PDZRN4: variants seen among roughly 807,000 people sequenced by gnomAD.
PDZRN4 encodes the protein PDZ domain containing ring finger 4.
Under a neutral mutation model 99.0 loss-of-function variants are expected in PDZRN4, and 70 were observed. That is an observed-to-expected ratio of 0.71 (90% confidence interval 0.58 to 0.86). The LOEUF (loss-of-function observed/expected upper bound fraction) is 0.86, where lower values mean the gene tolerates loss of function less well. PDZRN4 is among the 40% of genes least tolerant of loss of function. The pLI is 0.00. For missense variants in PDZRN4, 1,474 were observed against 1,331.2 expected (o/e 1.11, Z -1.67); for synonymous variants, 551 against 501.6 (o/e 1.10, Z -1.32).
intron 3 of PDZRN4, among the ~76,000 whole-genome samples, chr12:41,279,580 T>A (rs1399322031): frequency 6.6e-6 from 1 of 152,208 alleles, no homozygotes; most frequent in Non-Finnish European, 1.5e-5. Flanking sequence ...TTTATTAACC[T>A]AAATAAGTCT....
intron 5 of PDZRN4, among the ~76,000 whole-genome samples, chr12:41,521,055 T>C (rs1473684109): frequency 6.6e-6 from 1 of 152,160 alleles, no homozygotes; most frequent in Admixed American, 6.5e-5. Flanking sequence ...AACCGAAATC[T>C]AATTGTAAGT....
intron 3 of PDZRN4, among the ~76,000 whole-genome samples, chr12:41,302,317 C>G (rs1951541569): frequency 2.0e-5 from 3 of 152,100 alleles, no homozygotes. Context: ...ACAATCACCA[C>G]TTGTTAAAAT....
chr12:41,445,244 T>A (rs1952715177), intron 3 of PDZRN4, among the ~76,000 whole-genome samples: 1 of 152,088 alleles, frequency 6.6e-6, no homozygotes, highest in Admixed American at 6.6e-5. Context: ...CTGAATTTGT[T>A]GGTGAAGTAA....
intron 3 of PDZRN4, among the ~76,000 whole-genome samples, chr12:41,319,085 G>A (rs1400808288): frequency 6.6e-6 from 1 of 152,090 alleles, no homozygotes; most frequent in Non-Finnish European, 1.5e-5. Context: ...CATGCATCTT[G>A]AATGCTTCAG....
At chr12:41,254,425 C>T (rs1157476306) in intron 3 of PDZRN4, among the ~76,000 whole-genome samples, 1 of 152,180 alleles carries the variant, frequency 6.6e-6, no homozygotes, top group Non-Finnish European at 1.5e-5. Context: ...TGACTCAAAA[C>T]TATAATGCTT....
At chr12:41,556,294 A>T (rs1290058042) in intron 7 of PDZRN4, among the ~76,000 whole-genome samples, 1 of 152,212 alleles carries the variant, frequency 6.6e-6, no homozygotes, top group Admixed American at 6.5e-5. Context: ...TACAGTCATG[A>T]GTCACTTAAT....
intron 3 of PDZRN4, among the ~76,000 whole-genome samples, chr12:41,355,681 A>G (rs1208646949): frequency 5.3e-5 from 8 of 152,138 alleles, no homozygotes; most frequent in Non-Finnish European, 1.0e-4. Context: ...TCTTGTAAGC[A>G]GACAGCTGGG....
At chr12:41,429,920 G>T (rs1952571772) in intron 3 of PDZRN4, among the ~76,000 whole-genome samples, 1 of 152,086 alleles carries the variant, frequency 6.6e-6, no homozygotes, top group African/African-American at 2.4e-5. Flanking sequence ...AATAGTGATA[G>T]TAGCATTCAG....
chr12:41,461,237 A>G (rs1952870995), intron 3 of PDZRN4, among the ~76,000 whole-genome samples: 1 of 151,944 alleles, frequency 6.6e-6, no homozygotes, highest in Non-Finnish European at 1.5e-5. Flanking sequence ...TTTAAATTTC[A>G]GATGTACAAG....
At chr12:41,522,384 G>A (rs1279568051) in intron 5 of PDZRN4, among the ~76,000 whole-genome samples, 2 of 152,062 alleles carry the variant, frequency 1.3e-5, no homozygotes, top group Admixed American at 6.6e-5. Context: ...TAACTTGAAG[G>A]TCTAAGTCTC....
intron 3 of PDZRN4, among the ~76,000 whole-genome samples, chr12:41,320,398 G>T (rs548372363): frequency 6.6e-6 from 1 of 152,286 alleles, no homozygotes; most frequent in South Asian, 2.1e-4. Flanking sequence ...TAAATGTTTG[G>T]ATTTCTTGCT....
At chr12:41,483,195 A>G (rs1049849838) in intron 3 of PDZRN4, among the ~76,000 whole-genome samples, 5 of 152,030 alleles carry the variant, frequency 3.3e-5, no homozygotes, top group Admixed American at 6.6e-5. Flanking sequence ...GGTGACCTCC[A>G]CAACCAAAGT....
chr12:41,528,052 T>C (rs1460500577), intron 5 of PDZRN4, among the ~76,000 whole-genome samples: 1 of 152,230 alleles, frequency 6.6e-6, no homozygotes, highest in Non-Finnish European at 1.5e-5. Flanking sequence ...CAATTCTCTG[T>C]AGCCATTTAG....
At chr12:41,321,165 T>C (rs1014416607) in intron 3 of PDZRN4, among the ~76,000 whole-genome samples, 1 of 152,184 alleles carries the variant, frequency 6.6e-6, no homozygotes, top group African/African-American at 2.4e-5. Context: ...AAATAAGGTG[T>C]CTGCTGTTTA....
At chr12:41,381,228 A>C (rs985600767) in intron 3 of PDZRN4, among the ~76,000 whole-genome samples, 1 of 152,148 alleles carries the variant, frequency 6.6e-6, no homozygotes. Context: ...ATTTAGGACT[A>C]TTTGGGTCTC....
chr12:41,532,911 T>A (rs1353824171), intron 5 of PDZRN4, among the ~76,000 whole-genome samples: 1 of 152,154 alleles, frequency 6.6e-6, no homozygotes, highest in Non-Finnish European at 1.5e-5. Flanking sequence ...GATTAATTCA[T>A]GCTTGAAAAA....
chr12:41,395,451 G>A (rs1374796726), intron 3 of PDZRN4, among the ~76,000 whole-genome samples: 2 of 152,142 alleles, frequency 1.3e-5, no homozygotes, highest in Non-Finnish European at 2.9e-5. Flanking sequence ...TTCTGGGCTT[G>A]AAATCAACCT....
At chr12:41,444,254 A>G (rs1952704673) in intron 3 of PDZRN4, among the ~76,000 whole-genome samples, 1 of 152,114 alleles carries the variant, frequency 6.6e-6, no homozygotes, top group Non-Finnish European at 1.5e-5. Flanking sequence ...TAACGGTCTT[A>G]GCTGCAGAAA....
At chr12:41,537,153 A>ACTTGAGCTTCC (rs1938762614) in intron 5 of PDZRN4, among the ~76,000 whole-genome samples, 1 of 152,168 alleles carries the variant, frequency 6.6e-6, no homozygotes, top group South Asian at 2.1e-4. Flanking sequence ...GTCTTCCATT[A>ACTTGAGCTTCC]AAACACTATA....
Sources: gnomAD v4.1 joint callset for allele counts (sites outside exome capture counted in the v4.1 genomes callset) on GRCh38, gnomAD v4.1.1 for gene constraint, MANE v1.5 for transcripts, NCBI Gene and HGNC (gene_info 2026-07-23, HGNC 2026-07-21) for gene names.